Variants in ADGRB2 observed in about 807,000 individuals in gnomAD.
The protein encoded by ADGRB2 is adhesion G protein-coupled receptor B2.
A neutral mutation model predicts 178.7 loss-of-function variants in ADGRB2; 47 were observed. The ratio of observed to expected loss-of-function variants is 0.26; its 90% CI spans 0.21 to 0.34. The LOEUF (loss-of-function observed/expected upper bound fraction) is 0.34, where lower values mean the gene tolerates loss of function less well. ADGRB2 is among the 10% of genes least tolerant of loss of function. The pLI is 1.00. For synonymous variants in ADGRB2, 870 were observed against 912.4 expected, an observed-to-expected ratio of 0.95 and a Z score of 0.84; for missense variants, 1,584 against 2,180.8, an observed-to-expected ratio of 0.73 and a Z score of 5.45.
Position 31,733,287 on chromosome 1 carries a change from C to T in ADGRB2, c.3453-144G>A. ...CCAGGGCCTCAGTAATGTCCCCAAG[C>T]AGAGAGGGGCTGAGGAGCCAGAGCC... On this transcript the variant is annotated intron_variant, in intron 25 of 32. Coordinates refer to ENST00000373658, the MANE Select transcript of ADGRB2 (RefSeq NM_001364857.2). The surrounding 1 kb of genome is among the most constrained non-coding windows in gnomAD (Gnocchi z 4.3). 1 of 855,442 alleles carries T rather than the reference C, an allele frequency of 1.2e-6. No individual in the cohort carries two copies. The highest frequency in any genetic ancestry group is 1.8e-6 in the Non-Finnish European group (1 of 567,132). The allele number at this position is 855,442 out of a possible 1,614,324, so 53.0% of individuals were successfully genotyped here. A position where few individuals can be genotyped will look rare whatever the true frequency, so the allele number is the denominator to read the frequency against.
rs772197344 is a variant in ADGRB2 at position 31,743,021 on chromosome 1, C to A, written c.1088-19G>T. On this transcript the variant is annotated intron_variant, in intron 6 of 32. Coordinates refer to ENST00000373658, the MANE Select transcript of ADGRB2 (RefSeq NM_001364857.2). ...CCGTGCACTGCAAGGAAGCACGTGG[C>A]CGGTGGCTGGGCGGCACCATGGCCC... 1.4e-6 allele frequency: 2 copies of A among 1,408,444 alleles called. No individual in the cohort carries two copies. Among genetic ancestry groups the A allele is most frequent in the Non-Finnish European group, 9.3e-7 (1 of 1,076,218 alleles). The allele number at this position is 1,408,444 out of a possible 1,614,324, so 87.2% of individuals were successfully genotyped here. A position where few individuals can be genotyped will look rare whatever the true frequency, so the allele number is the denominator to read the frequency against.
At chr1:31,742,356 AG>A in intron 7 of ADGRB2, 139 bp from the exon 8 acceptor site, 4 of 1,231,540 alleles carry the variant, frequency 3.2e-6, no homozygotes, top group Non-Finnish European at 4.5e-6. Flanking sequence ...TGGGGAGGGG[AG>A]GGGGTTATGA....
intron 1 of ADGRB2, among the ~76,000 whole-genome samples, chr1:31,757,909 T>C (rs1381178433): frequency 1.3e-5 from 2 of 152,076 alleles, no homozygotes; most frequent in Non-Finnish European, 2.9e-5. Flanking sequence ...GTACTCCAGG[T>C]GTGGGTGGGC....
intron 27 of ADGRB2, 117 bp from the exon 28 acceptor site, chr1:31,732,271 A>G: frequency 1.4e-6 from 2 of 1,435,256 alleles, no homozygotes; most frequent in Non-Finnish European, 9.7e-7. Context: ...AGGGCTGCCC[A>G]TGGCCCATAG....
chr1:31,730,751 G>A (rs1361360886), intron 29 of ADGRB2, 49 bp downstream of exon 29: 9 of 1,413,560 alleles, frequency 6.4e-6, no homozygotes, highest in African/African-American at 1.4e-5. Flanking sequence ...GCTGCAGCCT[G>A]TGATTGACAC....
At chr1:31,742,242 G>A (rs1486791154) in intron 7 of ADGRB2, 25 bp from the exon 8 acceptor site, 1 of 1,575,138 alleles carries the variant, frequency 6.3e-7, no homozygotes, top group Non-Finnish European at 8.6e-7. Flanking sequence ...ACAAGCAGGG[G>A]TGGCTGTTGA....
Position 31,735,443 on chromosome 1 carries a change from C to T in ADGRB2, c.3353+137G>A, listed in dbSNP as rs1179905965. ...TGCGGCTGAGCACTCCGGGTGCCCA[C>T]CTTGCCTGCAACCTTGATGCACCAA... On this transcript the variant is annotated intron_variant, in intron 24 of 32. Transcript: ENST00000373658. The surrounding 1 kb of genome is among the most constrained non-coding windows in gnomAD (Gnocchi z 6.0). 2.3e-6 allele frequency: 3 copies of T among 1,303,020 alleles called. No homozygotes were observed. Among genetic ancestry groups the T allele is most frequent in the East Asian group, 5.0e-5 (2 of 39,854 alleles). 80.7% of individuals were successfully genotyped at this position (1,303,020 alleles called of 1,614,324 possible).
chr1:31,737,338 T>C, intron 20 of ADGRB2, 91 bp downstream of exon 20: 1 of 1,215,328 alleles, frequency 8.2e-7, no homozygotes, highest in Non-Finnish European at 1.2e-6. Flanking sequence ...CCACCACTAA[T>C]GGACGTACAA....
chr1:31,759,480 C>T lies in ADGRB2; in HGVS notation c.-190-1969G>A. On this transcript the variant is annotated intron_variant, in intron 1 of 32. Transcript: ENST00000373658. The surrounding 1 kb of genome is among the most constrained non-coding windows in gnomAD (Gnocchi z 4.3). ...CACAGCCCCGCCCCATCAAGAAGCA[C>T]AAGGTCCACATCCTTCAGAGCCACA... 1.4e-6 allele frequency: 1 copy of T among 727,686 alleles called. No individual in the cohort carries two copies. The allele number at this position is 727,686 out of a possible 1,614,324, so 45.1% of individuals were successfully genotyped here. A position where few individuals can be genotyped will look rare whatever the true frequency, so the allele number is the denominator to read the frequency against.
Position 31,741,484 on chromosome 1 carries a change from A to C in ADGRB2, c.1688-5T>G. ...GACAGCGGCGGCTGGCAGACCCTGC[A>C]GGGCAATAGGACAGAGGTCTGGGCA... On this transcript the variant is annotated splice_region_variant and splice_polypyrimidine_tract_variant and intron_variant, in intron 10 of 32. Transcript: ENST00000373658. This position sits in a 1 kb window ranked among gnomAD's most constrained non-coding sequence, Gnocchi z 6.5. The C allele has an allele frequency of 6.3e-7, 1 of 1,585,986 alleles. No individual in the cohort carries two copies.
rs1647131568 is a variant in ADGRB2 at position 31,764,077 on chromosome 1, G to GCGGGCGGCGCCGGGC, written c.-399_-385dup. On this transcript the variant is annotated 5_prime_UTR_variant, in exon 1 of 33. Transcript: ENST00000373658. This position sits in a 1 kb window ranked among gnomAD's most constrained non-coding sequence, Gnocchi z 7.3. ...CCGCGGAGCAGCGCGGGGCGGGCGG[G>GCGGGCGGCGCCGGGC]CGGGCGGCGCCGGGCCGGGCGCGGG... 1.1e-6 allele frequency: 1 copy of GCGGGCGGCGCCGGGC among 923,004 alleles called. No individual in the cohort carries two copies. Among genetic ancestry groups the GCGGGCGGCGCCGGGC allele is most frequent in the Non-Finnish European group, 1.3e-6 (1 of 778,442 alleles). The allele number at this position is 923,004 out of a possible 1,614,324, so 57.2% of individuals were successfully genotyped here.
chr1:31,733,062 G>C lies in ADGRB2; in HGVS notation c.3534C>G (p.Arg1178=). The part of the protein sequence containing the change: ...WMSAVLAMTD[R]RSVLFQALFA... ...AGAGGGCCTGGAAGAGGACGGAACG[G>C]CGGTCTGTCATAGCCAGGACGGCAG... Residue 1178 remains arginine, a synonymous_variant, in exon 26 of 33, where the codon CGC becomes CGG. Transcript: ENST00000373658. This position sits in a 1 kb window ranked among gnomAD's most constrained non-coding sequence, Gnocchi z 4.3. The C allele has an allele frequency of 6.3e-7, 1 of 1,580,616 alleles. No homozygotes were observed. The highest frequency in any genetic ancestry group is 8.6e-7 in the Non-Finnish European group (1 of 1,163,364).
chr1:31,755,324 T>A lies in ADGRB2; in HGVS notation c.838+675A>T, dbSNP rs1485663675. ...AGGACTCAAGGGCTCGCAGAGCTTT[T>A]GCCCAGTCAGCAGGAAGCTCTAGCA... On this transcript the variant is annotated intron_variant, in intron 4 of 32. Transcript: ENST00000373658. This position sits in a 1 kb window ranked among gnomAD's most constrained non-coding sequence, Gnocchi z 5.1. Among the ~76,000 whole-genome samples, 2 of 152,148 alleles carry A rather than the reference T, an allele frequency of 1.3e-5. No individual in the cohort carries two copies. Among genetic ancestry groups the A allele is most frequent in the Non-Finnish European group, 2.9e-5 (2 of 68,014 alleles).
chr1:31,742,215 C>T lies in ADGRB2; in HGVS notation c.1255G>A (p.Glu419Lys). 6.3e-7 allele frequency: 1 copy of T among 1,599,214 alleles called. No homozygotes were observed. The highest frequency in any genetic ancestry group is 8.5e-7 in the Non-Finnish European group (1 of 1,171,786). Residue 419 changes from glutamate (E) to lysine (K), a missense_variant and splice_region_variant, in exon 8 of 33, where the codon GAA becomes AAA. Glu to Lys is a moderately conservative substitution (Grantham distance 56). Coordinates refer to ENST00000373658, the MANE Select transcript of ADGRB2 (RefSeq NM_001364857.2). Reference sequence around the variant, plus strand: ...GGACCCCATTCTAACCACTGGCCTTCCACTGCATGGGGAGACACAAGCAGG... The same window carrying T: ...GGACCCCATTCTAACCACTGGCCTTTCACTGCATGGGGAGACACAAGCAGG... ...KLCSMAACPV[E>K]GQWLEWGPWG...
rs891604016 is a variant in ADGRB2 at position 31,754,825 on chromosome 1, C to T, written c.838+1174G>A. 1.3e-5 allele frequency among the ~76,000 whole-genome samples: 2 copies of T among 152,250 alleles called. No homozygotes were observed. The highest frequency in any genetic ancestry group is 4.8e-5 in the African/African-American group (2 of 41,464). On this transcript the variant is annotated intron_variant, in intron 4 of 32. Coordinates refer to ENST00000373658, the MANE Select transcript of ADGRB2 (RefSeq NM_001364857.2). The surrounding 1 kb of genome is among the most constrained non-coding windows in gnomAD (Gnocchi z 5.7). ...TGCCCACCAAAAATAAAGGGATCAA[C>T]TCAAGGTAACAGTCAAAGGTAGAGG... is the stretch of plus-strand genomic sequence containing the variant.
At position 31,761,360 on chromosome 1, in the gene ADGRB2, G is replaced by A. The variant is rs533975526; in HGVS notation, c.-191+2524C>T. Among the ~76,000 whole-genome samples the A allele has an allele frequency of 1.3e-4, 20 of 152,354 alleles. 1 individual carries two copies. The South Asian group carries it at 2.5e-3, about 19-fold the overall frequency. ...GGTGGCCCTGCTAACTCTGACCCAA[G>A]GCAAAGGGCCCTGGGAAATTCCTGA... On this transcript the variant is annotated intron_variant, in intron 1 of 32. Transcript: ENST00000373658. The surrounding 1 kb of genome is among the most constrained non-coding windows in gnomAD (Gnocchi z 4.2).
rs1646138222 is a variant in ADGRB2 at position 31,744,064 on chromosome 1, G to A, written c.1087+129C>T. On this transcript the variant is annotated intron_variant, in intron 6 of 32. Coordinates refer to ENST00000373658, the MANE Select transcript of ADGRB2 (RefSeq NM_001364857.2). The surrounding 1 kb of genome is among the most constrained non-coding windows in gnomAD (Gnocchi z 6.7). Reference sequence around the variant, plus strand: ...GGCATGGTACGCAGAGTTGGGCATGGTGTGGGGAACAGCCACATTTGTTGA... The same window carrying A: ...GGCATGGTACGCAGAGTTGGGCATGATGTGGGGAACAGCCACATTTGTTGA... 1 of 1,224,456 alleles carries A rather than the reference G, an allele frequency of 8.2e-7. No individual in the cohort carries two copies. Among genetic ancestry groups the A allele is most frequent in the Admixed American group, 3.0e-5 (1 of 33,796 alleles). 75.8% of individuals were successfully genotyped at this position (1,224,456 alleles called of 1,614,324 possible).
intron 4 of ADGRB2, among the ~76,000 whole-genome samples, chr1:31,745,251 T>C (rs540546444): frequency 6.7e-4 from 102 of 152,196 alleles, no homozygotes; most frequent in Non-Finnish European, 1.1e-3. Flanking sequence ...CCCGAGCCTA[T>C]CTCTGAGATA....
In ADGRB2 at chr1:31,727,239, A is replaced by C; in HGVS notation, c.*181T>G. ...CTGAGGGGCCTCTGAGAAACAAGGAAGGGCCCTGGGACCCCAGGCCAAGCC... is the reference window on the plus strand; with the variant it reads ...CTGAGGGGCCTCTGAGAAACAAGGACGGGCCCTGGGACCCCAGGCCAAGCC... On this transcript the variant is annotated 3_prime_UTR_variant, in exon 33 of 33. Transcript: ENST00000373658. The surrounding 1 kb of genome is among the most constrained non-coding windows in gnomAD (Gnocchi z 4.4). 1.6e-6 allele frequency: 1 copy of C among 624,040 alleles called. No individual in the cohort carries two copies. The highest frequency in any genetic ancestry group is 2.5e-6 in the Non-Finnish European group (1 of 399,086). 38.7% of individuals were successfully genotyped at this position (624,040 alleles called of 1,614,324 possible).
Sources: gnomAD v4.1 joint callset for allele counts (sites outside exome capture counted in the v4.1 genomes callset) on GRCh38, gnomAD v4.1.1 for gene constraint, Gnocchi (gnomAD v3.1) non-coding constraint, MANE v1.5 for transcripts, NCBI Gene and HGNC (gene_info 2026-07-23, HGNC 2026-07-21) for gene names.